Variants in TYW1 observed in about 807,000 individuals in gnomAD.
TYW1 encodes the protein tRNA-yW synthesizing protein 1 homolog, also known as S-adenosyl-L-methionine-dependent tRNA 4-demethylwyosine synthase TYW1.
TYW1 carries 46 observed loss-of-function variants against 96.2 expected under a neutral mutation model. The ratio of observed to expected loss-of-function variants is 0.48; its 90% CI spans 0.38 to 0.61. The LOEUF is 0.61. Among genes scored for constraint, TYW1 ranks in the 20% least tolerant of loss-of-function variants. The pLI, the probability that TYW1 is intolerant of heterozygous loss-of-function variation, is 0.00. For missense variants in TYW1, 684 were observed against 909.6 expected (o/e 0.75, Z 3.19); for synonymous variants, 274 against 323.0 (o/e 0.85, Z 1.63).
chr7:67,164,910 A>G (rs1287797636), intron 13 of TYW1, among the ~76,000 whole-genome samples: 1 of 151,934 alleles, frequency 6.6e-6, no homozygotes, highest in Non-Finnish European at 1.5e-5. Context: ...GCTAGAATAA[A>G]CATGCTTATT....
In TYW1 at chr7:67,180,404, ATT is replaced by A. The variant is rs1401526906; in HGVS notation, c.1699-2720_1699-2719del. On this transcript the variant is annotated intron_variant, in intron 13 of 15. Transcript: ENST00000359626. ...TGTTGGTTTATATATATATATATATATTTATATATATATATATATAATTTTTT... is the reference window on the plus strand; with the variant it reads ...TGTTGGTTTATATATATATATATATATATATATATATATATATAATTTTTT... 5.9e-3 allele frequency among the ~76,000 whole-genome samples: 424 copies of A among 71,518 alleles called. 25 individuals carry two copies. Among genetic ancestry groups the A allele is most frequent in the African/African-American group, 0.021 (323 of 15,058 alleles). 46.9% of individuals were successfully genotyped at this position (71,518 alleles called of 152,430 possible).
At chr7:67,129,375 C>T (rs1797995693) in intron 13 of TYW1, among the ~76,000 whole-genome samples, 1 of 152,146 alleles carries the variant, frequency 6.6e-6, no homozygotes, top group African/African-American at 2.4e-5. Flanking sequence ...GTGTAGGGCC[C>T]CTAATGACTG....
intron 15 of TYW1, among the ~76,000 whole-genome samples, chr7:67,224,450 G>T (rs1039060529): frequency 1.4e-4 from 21 of 152,098 alleles, no homozygotes; most frequent in African/African-American, 4.8e-4. Flanking sequence ...ATGTGTCCTC[G>T]TACATACCAC....
chr7:67,166,758 T>C (rs1297251374), intron 13 of TYW1, among the ~76,000 whole-genome samples: 1 of 152,158 alleles, frequency 6.6e-6, no homozygotes, highest in Non-Finnish European at 1.5e-5. Flanking sequence ...ATTTATTCCT[T>C]CCACTATTGA....
chr7:67,162,149 C>CA (rs912742151), intron 13 of TYW1, among the ~76,000 whole-genome samples: 18 of 150,840 alleles, frequency 1.2e-4, no homozygotes, highest in Non-Finnish European at 1.9e-4. Context: ...ACAAAAAAAA[C>CA]AAAAAAACAA....
In TYW1 at chr7:67,142,521, C is replaced by A. The variant is rs186882662; in HGVS notation, c.1698+24903C>A. Among the ~76,000 whole-genome samples, 560 of 152,168 alleles carry A rather than the reference C, an allele frequency of 3.7e-3. 2 individuals carry two copies. The highest frequency in any genetic ancestry group is 7.1e-3 in the Admixed American group (109 of 15,290). ...TCAGCTCACTGAAGTCTCTGCCTCC[C>A]GGGTTCAAGAAATTCTCCTGCCTCA... On this transcript the variant is annotated intron_variant, in intron 13 of 15. Transcript: ENST00000359626.
chr7:67,014,358 C>T lies in TYW1; in HGVS notation c.376-9C>T, dbSNP rs761668440. On this transcript the variant is annotated splice_polypyrimidine_tract_variant and intron_variant, in intron 4 of 15. Transcript: ENST00000359626. The stretch of plus-strand genomic sequence containing the variant: ...TATGTTCCACTGAAACAATTACTTT[C>T]TTGGTTAGGTGACTAGTAAAAATGT... 9.5e-6 allele frequency: 15 copies of T among 1,581,380 alleles called. No individual in the cohort carries two copies. In the Admixed American group the frequency reaches 2.8e-4, roughly 29 times the overall value.
chr7:67,007,142 A>G (rs926238112), intron 3 of TYW1, among the ~76,000 whole-genome samples: 5 of 151,826 alleles, frequency 3.3e-5, no homozygotes, highest in African/African-American at 1.2e-4. Context: ...GCTGTGGGCT[A>G]ATTCTTTATT....
intron 13 of TYW1, among the ~76,000 whole-genome samples, chr7:67,145,695 C>T (rs1201321349): frequency 2.0e-5 from 3 of 152,140 alleles, no homozygotes; most frequent in African/African-American, 7.2e-5. Flanking sequence ...CTGCTGCCCA[C>T]TGTATTTCAA....
chr7:67,015,056 C>T (rs1437620349), intron 5 of TYW1, among the ~76,000 whole-genome samples: 1 of 151,030 alleles, frequency 6.6e-6, no homozygotes, highest in Non-Finnish European at 1.5e-5. Context: ...AGCTGGAGTG[C>T]AGTGGCGGGA....
intron 10 of TYW1, among the ~76,000 whole-genome samples, chr7:67,078,079 G>A (rs1456445110): frequency 6.6e-6 from 1 of 151,434 alleles, no homozygotes; most frequent in Non-Finnish European, 1.5e-5. Flanking sequence ...TAGGTTTATA[G>A]TTTATTTTTT....
intron 14 of TYW1, among the ~76,000 whole-genome samples, chr7:67,183,599 A>T (rs1799910048): frequency 6.6e-6 from 1 of 152,204 alleles, no homozygotes; most frequent in Non-Finnish European, 1.5e-5. Flanking sequence ...CATATACGGA[A>T]GTAGAGAGAT....
intron 11 of TYW1, 87 bp from the exon 12 acceptor site, chr7:67,098,454 T>C: frequency 7.1e-7 from 1 of 1,402,532 alleles, no homozygotes; most frequent in South Asian, 1.7e-5. Flanking sequence ...ATTTGCTCTA[T>C]AAAATCAAAG....
intron 13 of TYW1, among the ~76,000 whole-genome samples, chr7:67,171,097 C>G (rs538637458): frequency 3.3e-5 from 5 of 151,966 alleles, no homozygotes; most frequent in Non-Finnish European, 7.4e-5. Context: ...TTCCGATTGT[C>G]CATTTCTCCT....
intron 15 of TYW1, among the ~76,000 whole-genome samples, chr7:67,216,106 A>G (rs1369868270): frequency 3.3e-5 from 5 of 151,244 alleles, no homozygotes; most frequent in African/African-American, 1.2e-4. Flanking sequence ...GTCCTTATCT[A>G]CCTTGGACTT....
At chr7:67,186,100 T>C (rs1315159831) in intron 14 of TYW1, among the ~76,000 whole-genome samples, 4 of 143,842 alleles carry the variant, frequency 2.8e-5, no homozygotes, top group African/African-American at 1.1e-4. Flanking sequence ...CAGCTGAAAA[T>C]ATATGTATCA....
At position 67,018,007 on chromosome 7, in the gene TYW1, C is replaced by T. The variant is rs1160979599; in HGVS notation, c.725C>T (p.Ala242Val). 4.3e-6 allele frequency: 7 copies of T among 1,613,958 alleles called. No homozygotes were observed. The highest frequency in any genetic ancestry group is 5.1e-6 in the Non-Finnish European group (6 of 1,180,024). The change falls in exon 6 of 16, where the codon GCA becomes GTA. Residue 242 changes from alanine (A) to valine (V), a missense_variant. Ala to Val is a moderately conservative substitution (Grantham distance 64). Transcript: ENST00000359626. ...WKTKFISQLQ[A>V]LQKGERKKSC... ...ACCAAGTTCATCTCCCAGCTGCAGG[C>T]ACTTCAGAAAGGGGAGAGAAAGAAG...
intron 7 of TYW1, among the ~76,000 whole-genome samples, chr7:67,029,434 A>ATATATATATATATACATATATATAT: frequency 1.7e-5 from 1 of 60,452 alleles, no homozygotes; most frequent in South Asian, 5.4e-4. Context: ...TATATATATA[A>ATATATATATATATACATATATATAT]ATAGTATTTT....
At chr7:67,007,965 G>C (rs1269848674) in intron 3 of TYW1, among the ~76,000 whole-genome samples, 2 of 152,024 alleles carry the variant, frequency 1.3e-5, no homozygotes, top group African/African-American at 4.8e-5. Context: ...CAGTTCTCAT[G>C]CTTACTATTG....
Sources: allele counts gnomAD v4.1 joint callset (sites outside exome capture counted in the v4.1 genomes callset), GRCh38; gene constraint gnomAD v4.1.1; transcripts MANE v1.5; gene names NCBI Gene and HGNC (gene_info 2026-07-23, HGNC 2026-07-21).